Variants in CSMD1 observed in about 807,000 individuals in gnomAD.
CSMD1 encodes the protein CUB and Sushi multiple domains 1, also known as CUB and sushi domain-containing protein 1.
Under a neutral mutation model 417.5 loss-of-function variants are expected in CSMD1, and 213 were observed. The ratio of observed to expected loss-of-function variants is 0.51; its 90% CI spans 0.46 to 0.57. The LOEUF is 0.57. Ranked by LOEUF, CSMD1 falls within the 20% of genes least tolerant of loss-of-function variation. The pLI is 0.00. For missense variants in CSMD1, 6,923 were observed against 4,529.7 expected, an observed-to-expected ratio of 1.53 and a Z score of -15.17; for synonymous variants, 2,862 against 1,736.8, an observed-to-expected ratio of 1.65 and a Z score of -16.11.
chr8:3,538,433 C>G (rs923634727), intron 10 of CSMD1, among the ~76,000 whole-genome samples: 1 of 152,128 alleles, frequency 6.6e-6, no homozygotes, highest in Non-Finnish European at 1.5e-5. Flanking sequence ...CTTGAGATGC[C>G]TCACCTGAGA....
At chr8:3,287,593 G>T (rs1161702582) in intron 25 of CSMD1, among the ~76,000 whole-genome samples, 1 of 152,022 alleles carries the variant, frequency 6.6e-6, no homozygotes, top group Admixed American at 6.6e-5. Context: ...TCATGATTTG[G>T]CTCTCTGTTT....
At chr8:4,783,122 C>T (rs1048129424) in intron 1 of CSMD1, among the ~76,000 whole-genome samples, 10 of 152,202 alleles carry the variant, frequency 6.6e-5, no homozygotes, top group African/African-American at 2.2e-4. Flanking sequence ...ACAGAGTTAA[C>T]ATGTCATATG....
At chr8:3,065,178 G>C (rs1361495354) in intron 49 of CSMD1, among the ~76,000 whole-genome samples, 1 of 151,826 alleles carries the variant, frequency 6.6e-6, no homozygotes, top group Non-Finnish European at 1.5e-5. Flanking sequence ...ATTTCAAAAA[G>C]AAAAATATAT....
intron 1 of CSMD1, among the ~76,000 whole-genome samples, chr8:4,851,111 C>A (rs1265742664): frequency 5.4e-5 from 7 of 130,402 alleles, no homozygotes; most frequent in African/African-American, 1.6e-4. Context: ...CCCCACACCC[C>A]ACAACAGTCC....
intron 2 of CSMD1, among the ~76,000 whole-genome samples, chr8:4,518,938 T>C (rs1463142008): frequency 3.3e-5 from 5 of 152,186 alleles, no homozygotes; most frequent in Non-Finnish European, 7.3e-5. Context: ...TTTATCAGCC[T>C]AATAGACACA....
At chr8:4,060,288 G>C (rs549396393) in intron 3 of CSMD1, among the ~76,000 whole-genome samples, 1 of 152,094 alleles carries the variant, frequency 6.6e-6, no homozygotes, top group Non-Finnish European at 1.5e-5. Flanking sequence ...TTGATGGGAC[G>C]TATCTCAGAA....
rs148807459 is a variant in CSMD1 at position 3,191,858 on chromosome 8, C to G, written c.5195-1743G>C. ...AAAAGACAGTATTTAGGTACTGTCT[C>G]TGGGATTCTATCCTCCTCAGTCCTT... On this transcript the variant is annotated intron_variant, in intron 33 of 69. Transcript: ENST00000635120. Among the ~76,000 whole-genome samples the G allele has an allele frequency of 3.8e-3, 582 of 152,336 alleles. 4 individuals are homozygous for G. Among genetic ancestry groups the G allele is most frequent in the African/African-American group, 0.013 (561 of 41,578 alleles).
chr8:4,057,471 C>G (rs1342797567), intron 3 of CSMD1, among the ~76,000 whole-genome samples: 4 of 152,038 alleles, frequency 2.6e-5, no homozygotes, highest in African/African-American at 7.3e-5. Flanking sequence ...AATTTTCACC[C>G]ATTTTGTAGG....
chr8:3,500,300 G>C (rs1033603385), intron 10 of CSMD1, among the ~76,000 whole-genome samples: 6 of 152,122 alleles, frequency 3.9e-5, no homozygotes, highest in Non-Finnish European at 5.9e-5. Context: ...ACTCTAGCTA[G>C]ACATCTCGAT....
chr8:3,255,185 G>C (rs994567260), intron 26 of CSMD1, among the ~76,000 whole-genome samples: 1 of 152,160 alleles, frequency 6.6e-6, no homozygotes, highest in African/African-American at 2.4e-5. Context: ...CAGAGCAGTG[G>C]ATATTGGTGA....
chr8:4,640,431 A>G (rs1320233425), intron 1 of CSMD1, among the ~76,000 whole-genome samples: 1 of 152,242 alleles, frequency 6.6e-6, no homozygotes, highest in East Asian at 1.9e-4. Flanking sequence ...AAGCCTAAAT[A>G]GCCAGTGGAA....
At chr8:3,797,566 A>T (rs765940888) in intron 5 of CSMD1, among the ~76,000 whole-genome samples, 4 of 151,886 alleles carry the variant, frequency 2.6e-5, no homozygotes, top group Non-Finnish European at 5.9e-5. Flanking sequence ...TCACAATATA[A>T]TATTTTCAAG....
chr8:4,883,317 A>G (rs942593206), intron 1 of CSMD1, among the ~76,000 whole-genome samples: 1 of 152,120 alleles, frequency 6.6e-6, no homozygotes, highest in Non-Finnish European at 1.5e-5. Context: ...TAATACCTCT[A>G]TTTGGATATA....
At chr8:3,900,728 C>G (rs1405022550) in intron 5 of CSMD1, among the ~76,000 whole-genome samples, 1 of 151,206 alleles carries the variant, frequency 6.6e-6, no homozygotes, top group East Asian at 2.0e-4. Context: ...CTGGGTGACA[C>G]TATAGCTAGC....
chr8:3,631,148 C>T (rs1478217368), intron 7 of CSMD1, among the ~76,000 whole-genome samples: 1 of 152,188 alleles, frequency 6.6e-6, no homozygotes, highest in Admixed American at 6.5e-5. Context: ...AATGGCCCTC[C>T]CTGTGCACCC....
intron 1 of CSMD1, chr8:4,787,842 G>C: frequency 1.3e-6 from 2 of 1,569,848 alleles, no homozygotes; most frequent in South Asian, 1.1e-5. Flanking sequence ...AAATGCTGGA[G>C]AAATCCTGGT....
chr8:4,160,196 T>G (rs897469351), intron 3 of CSMD1, among the ~76,000 whole-genome samples: 2 of 152,192 alleles, frequency 1.3e-5, no homozygotes, highest in African/African-American at 4.8e-5. Flanking sequence ...AGTATTTGTC[T>G]TTTATATAGC....
intron 3 of CSMD1, among the ~76,000 whole-genome samples, chr8:4,180,184 C>A (rs1241665876): frequency 6.6e-6 from 1 of 151,972 alleles, no homozygotes; most frequent in South Asian, 2.1e-4. Flanking sequence ...ACCCAAATGT[C>A]CAACAATGAT....
intron 7 of CSMD1, among the ~76,000 whole-genome samples, chr8:3,626,114 G>A (rs533172679): frequency 1.2e-3 from 183 of 152,270 alleles, no homozygotes; most frequent in Non-Finnish European, 2.1e-3. Flanking sequence ...TCCACATGGT[G>A]CTCTGAGATG....
Sources: allele counts gnomAD v4.1 joint callset (sites outside exome capture counted in the v4.1 genomes callset), GRCh38; gene constraint gnomAD v4.1.1; transcripts MANE v1.5; gene names NCBI Gene and HGNC (gene_info 2026-07-23, HGNC 2026-07-21).